The following NCAPG variants were observed in gnomAD, a reference collection of about 807,000 sequenced individuals.
NCAPG encodes non-SMC condensin I complex subunit G, also known as condensin complex subunit 3.
A neutral mutation model predicts 113.1 loss-of-function variants in NCAPG; 69 were observed. The observed-to-expected ratio is 0.61, with a 90% CI of 0.50 to 0.75. The LOEUF is 0.75. Among genes scored for constraint, NCAPG ranks in the 30% least tolerant of loss-of-function variants. NCAPG has a pLI of 0.00. For synonymous variants in NCAPG, 370 were observed against 415.8 expected, an observed-to-expected ratio of 0.89 and a Z score of 1.34; for missense variants, 1,058 against 1,177.0, an observed-to-expected ratio of 0.90 and a Z score of 1.48.
chr4:17,812,863 T>C, intron 2 of NCAPG, 54 bp from the exon 3 acceptor site: 1 of 1,402,634 alleles, frequency 7.1e-7, no homozygotes, highest in Non-Finnish European at 1.0e-6. Flanking sequence ...ATAATATTGA[T>C]TATTTGGGAG....
intron 7 of NCAPG, among the ~76,000 whole-genome samples, chr4:17,818,915 T>C (rs1392908086): frequency 6.6e-6 from 1 of 152,202 alleles, no homozygotes; most frequent in Non-Finnish European, 1.5e-5. Flanking sequence ...AATGTGGAAT[T>C]CCCTCTTTTA....
At position 17,840,657 on chromosome 4, in the gene NCAPG, C is replaced by G. The variant is rs146198577; in HGVS notation, c.2818C>G (p.Gln940Glu). 8 of 1,557,140 alleles carry G rather than the reference C, an allele frequency of 5.1e-6. No individual in the cohort carries two copies. In the Middle Eastern group the frequency reaches 5.1e-4, roughly 100 times the overall value. ...MTPLRGVKAT[Q>E]ASKSTQLKTN... ...TCCACTCAGGGGTGTAAAAGCAACC[C>G]AAGCATCAAAGTCTACTCAGCTAAA... Residue 940 changes from glutamine to glutamate, a missense_variant, in exon 19 of 21, where the codon CAA (glutamine) becomes GAA (glutamate). Gln to Glu is a conservative substitution (Grantham distance 29). Coordinates refer to ENST00000251496, the MANE Select transcript of NCAPG (RefSeq NM_022346.5).
rs1159986079 is a variant in NCAPG, at chr4:17,811,565, G to T, written c.111+377G>T. On this transcript the variant is annotated intron_variant, in intron 1 of 20. Coordinates refer to ENST00000251496, the MANE Select transcript of NCAPG (RefSeq NM_022346.5). The surrounding 1 kb of genome is among the most constrained non-coding windows in gnomAD (Gnocchi z 5.3). ...CGCAGAGTGGATCCTGAATGCGGGG[G>T]TTCAGTGGTCGTTGCCCCTGGGGTC... is the stretch of plus-strand genomic sequence containing the variant. Among the ~76,000 whole-genome samples the T allele has an allele frequency of 2.0e-5, 3 of 152,136 alleles. No individual in the cohort carries two copies. Among genetic ancestry groups the T allele is most frequent in the Non-Finnish European group, 4.4e-5 (3 of 68,036 alleles).
At chr4:17,838,083 A>G (rs530348798) in intron 16 of NCAPG, among the ~76,000 whole-genome samples, 3 of 152,164 alleles carry the variant, frequency 2.0e-5, no homozygotes, top group Admixed American at 6.6e-5. Context: ...GTAATAACCT[A>G]TGTTATCTAG....
Position 17,811,213 on chromosome 4 carries a change from C to G in NCAPG, c.111+25C>G, listed in dbSNP as rs780514462. ...GGTAAGCGCTCCCGGCCCCGGCCGCCGCCTCTCGCCCGCCCCGGCCCACCC... is the reference window on the plus strand; with the variant it reads ...GGTAAGCGCTCCCGGCCCCGGCCGCGGCCTCTCGCCCGCCCCGGCCCACCC... On this transcript the variant is annotated intron_variant, in intron 1 of 20. Coordinates refer to ENST00000251496, the MANE Select transcript of NCAPG (RefSeq NM_022346.5). The surrounding 1 kb of genome is among the most constrained non-coding windows in gnomAD (Gnocchi z 5.3). 15 of 1,400,152 alleles carry G rather than the reference C, an allele frequency of 1.1e-5. No homozygotes were observed. The South Asian group carries it at 1.9e-4, about 17-fold the overall frequency. The allele number at this position is 1,400,152 out of a possible 1,614,324, so 86.7% of individuals were successfully genotyped here.
At chr4:17,825,591 C>G (rs769463466) in intron 11 of NCAPG, 30 bp downstream of exon 11, 1 of 1,536,346 alleles carries the variant, frequency 6.5e-7, no homozygotes, top group Non-Finnish European at 8.8e-7. Context: ...TACTAAATCT[C>G]AGGTGTTATT....
At chr4:17,817,497 T>C (rs144277915) in intron 6 of NCAPG, 44 bp downstream of exon 6, 8 of 1,511,602 alleles carry the variant, frequency 5.3e-6, no homozygotes. Context: ...CTGATTAACT[T>C]GTGCAATTAA....
intron 12 of NCAPG, among the ~76,000 whole-genome samples, chr4:17,829,439 G>C (rs1721781644): frequency 6.6e-6 from 1 of 152,120 alleles, no homozygotes; most frequent in Non-Finnish European, 1.5e-5. Context: ...TTTATTTTTG[G>C]AAAAGCAGTT....
At chr4:17,841,184 A>G (rs1722367411) in intron 19 of NCAPG, 1 of 151,972 alleles carries the variant, frequency 6.6e-6, no homozygotes, top group Non-Finnish European at 1.5e-5. Flanking sequence ...TTGGAAAAAA[A>G]TCTGAAATTC....
chr4:17,842,259 A>G (rs1722482508), intron 19 of NCAPG, 51 bp from the exon 20 acceptor site: 1 of 1,540,212 alleles, frequency 6.5e-7, no homozygotes. Context: ...TAGATTAAAA[A>G]CAAAAAGCAA....
At chr4:17,831,306 A>G (rs1172476074) in intron 13 of NCAPG, among the ~76,000 whole-genome samples, 190 bp downstream of exon 13, 1 of 152,226 alleles carries the variant, frequency 6.6e-6, no homozygotes, top group African/African-American at 2.4e-5. Context: ...TGAAACGCCA[A>G]TTATGTAAGA....
chr4:17,840,031 T>C (rs779594833), intron 17 of NCAPG, 40 bp from the exon 18 acceptor site: 10 of 1,573,336 alleles, frequency 6.4e-6, no homozygotes, highest in Non-Finnish European at 8.6e-6. Context: ...GATTAGGGAA[T>C]GCGGTGTTTA....
chr4:17,835,932 A>G (rs1051202246), intron 14 of NCAPG, among the ~76,000 whole-genome samples: 1 of 152,216 alleles, frequency 6.6e-6, no homozygotes, highest in Non-Finnish European at 1.5e-5. Flanking sequence ...TACTATGAAC[A>G]TGGCATGTAT....
chr4:17,837,560 G>C, intron 15 of NCAPG, 67 bp from the exon 16 acceptor site: 1 of 1,515,246 alleles, frequency 6.6e-7, no homozygotes, highest in South Asian at 1.3e-5. Context: ...TAGTAGTTTT[G>C]AATTTCATAC....
rs545472969 is a variant in NCAPG at position 17,836,189 on chromosome 4, T to C, written c.2110-970T>C. Among the ~76,000 whole-genome samples, 33 of 152,350 alleles carry C rather than the reference T, an allele frequency of 2.2e-4. 1 individual carries two copies. The South Asian group carries it at 3.3e-3, about 15-fold the overall frequency. ...ATGAAGTGCTACTTCATTGTGGTTT[T>C]GATTTGCATTTCCTTAATGACTAGT... On this transcript the variant is annotated intron_variant, in intron 14 of 20. Transcript: ENST00000251496.
Position 17,817,428 on chromosome 4 carries a change from G to C in NCAPG, c.943G>C (p.Gly315Arg). Residue 315 changes from glycine to arginine, a missense_variant, in exon 6 of 21, where the codon GGA becomes CGA. Coordinates refer to ENST00000251496, the MANE Select transcript of NCAPG (RefSeq NM_022346.5). ...FSITPLSELV[G>R]LCKNNDGRKL... Reference sequence around the variant, plus strand: ...AATAACTCCTCTCAGTGAACTGGTGGGACTCTGTAAAAACAATGATGGCAG... The same window carrying C: ...AATAACTCCTCTCAGTGAACTGGTGCGACTCTGTAAAAACAATGATGGCAG... The C allele has an allele frequency of 5.6e-6, 9 of 1,613,784 alleles. No homozygotes were observed. Among genetic ancestry groups the C allele is most frequent in the Non-Finnish European group, 7.6e-6 (9 of 1,179,884 alleles).
chr4:17,819,841 C>T (rs1046262705), intron 7 of NCAPG, among the ~76,000 whole-genome samples: 5 of 152,120 alleles, frequency 3.3e-5, no homozygotes, highest in African/African-American at 1.2e-4. Flanking sequence ...CTAAATTTCC[C>T]CTCAAAAATC....
Position 17,830,980 on chromosome 4 carries a change from T to A in NCAPG, c.1765-17T>A. On this transcript the variant is annotated splice_polypyrimidine_tract_variant and intron_variant, in intron 12 of 20. Coordinates refer to ENST00000251496, the MANE Select transcript of NCAPG (RefSeq NM_022346.5). ...TAGATCTATGAAATCATATGGAAAA[T>A]TTCTGATTCATTTTAGATTCTTCCT... The A allele has an allele frequency of 6.2e-7, 1 of 1,605,164 alleles. No homozygotes were observed. The highest frequency in any genetic ancestry group is 8.5e-7 in the Non-Finnish European group (1 of 1,175,216).
intron 7 of NCAPG, among the ~76,000 whole-genome samples, chr4:17,822,109 G>T (rs1446937754): frequency 1.3e-5 from 2 of 148,360 alleles, no homozygotes; most frequent in African/African-American, 5.0e-5. Context: ...AAAGATAATT[G>T]TATTCATGGA....
Sources: gnomAD v4.1 joint callset for allele counts (sites outside exome capture counted in the v4.1 genomes callset) on GRCh38, gnomAD v4.1.1 for gene constraint, Gnocchi (gnomAD v3.1) non-coding constraint, MANE v1.5 for transcripts, NCBI Gene and HGNC (gene_info 2026-07-23, HGNC 2026-07-21) for gene names.